SLC28A1: variants seen among roughly 807,000 people sequenced by gnomAD.
SLC28A1 encodes solute carrier family 28 member 1.
SLC28A1 carries 64 observed loss-of-function variants against 74.8 expected under a neutral mutation model. The observed-to-expected ratio is 0.86, with a 90% CI of 0.70 to 1.05. The LOEUF (loss-of-function observed/expected upper bound fraction) is 1.05, where lower values mean the gene tolerates loss of function less well. Among genes scored for constraint, SLC28A1 ranks in the 50% least tolerant of loss-of-function variants. The pLI is 0.00. For synonymous variants in SLC28A1, 359 were observed against 335.0 expected, an observed-to-expected ratio of 1.07 and a Z score of -0.78; for missense variants, 828 against 822.8, an observed-to-expected ratio of 1.01 and a Z score of -0.08.
intron 5 of SLC28A1, among the ~76,000 whole-genome samples, chr15:84,891,106 T>G (rs1032450004): frequency 1.3e-5 from 2 of 152,118 alleles, no homozygotes; most frequent in African/African-American, 4.8e-5. Flanking sequence ...GATTTTACCC[T>G]CAAGGCCAGA....
chr15:84,887,347 C>T, intron 2 of SLC28A1: 1 of 985,318 alleles, frequency 1.0e-6, no homozygotes, highest in South Asian at 4.7e-5. Context: ...CTGTTTCTGC[C>T]TGGAACTCCC....
intron 12 of SLC28A1, among the ~76,000 whole-genome samples, chr15:84,924,946 G>C (rs1047377313): frequency 2.0e-5 from 3 of 149,796 alleles, no homozygotes; most frequent in Admixed American, 1.3e-4. Context: ...CTGTTGCCAG[G>C]CTGGAGTGCA....
chr15:84,924,309 G>A (rs1970223614), intron 12 of SLC28A1, among the ~76,000 whole-genome samples, 199 bp downstream of exon 12: 2 of 152,060 alleles, frequency 1.3e-5, no homozygotes, highest in South Asian at 4.1e-4. Flanking sequence ...CTGGGGCAAA[G>A]CTTCCTGGTG....
chr15:84,893,294 G>A (rs897948504), intron 5 of SLC28A1, among the ~76,000 whole-genome samples: 3 of 152,068 alleles, frequency 2.0e-5, no homozygotes, highest in South Asian at 2.1e-4. Flanking sequence ...ACCTCCTGGC[G>A]ACCACGGAGC....
chr15:84,920,332 A>G (rs1276547355), intron 10 of SLC28A1, among the ~76,000 whole-genome samples: 4 of 152,050 alleles, frequency 2.6e-5, no homozygotes, highest in African/African-American at 9.7e-5. Flanking sequence ...TGTAGTCCCA[A>G]CTACTCAGGA....
intron 7 of SLC28A1, among the ~76,000 whole-genome samples, 194 bp from the exon 8 acceptor site, chr15:84,905,345 A>T (rs188155453): frequency 6.6e-6 from 1 of 152,312 alleles, no homozygotes; most frequent in Admixed American, 6.5e-5. Flanking sequence ...CTCACTGCCC[A>T]GGCCCATTCC....
At chr15:84,956,607 C>A in the SLC28A1 span, among the ~76,000 whole-genome samples, 2 of 151,778 alleles carry the variant, frequency 1.3e-5, no homozygotes, top group East Asian at 3.9e-4. Context: ...ATCCTCCCAC[C>A]TCAGCCTCCT....
At chr15:84,958,357 T>C in the SLC28A1 span, among the ~76,000 whole-genome samples, 1 of 152,218 alleles carries the variant, frequency 6.6e-6, no homozygotes, top group Non-Finnish European at 1.5e-5. Flanking sequence ...ATGTCCTATT[T>C]TTGGAACCCT....
At chr15:84,948,357 C>T (rs1023178630), downstream of SLC28A1, among the ~76,000 whole-genome samples, 3 of 152,104 alleles carry the variant, frequency 2.0e-5, no homozygotes, top group Non-Finnish European at 4.4e-5. Context: ...TCCAGCTTTT[C>T]TGAGAATGTT....
At chr15:84,915,009 C>T (rs1968886829) in intron 9 of SLC28A1, among the ~76,000 whole-genome samples, 1 of 152,160 alleles carries the variant, frequency 6.6e-6, no homozygotes, top group South Asian at 2.1e-4. Context: ...GCCCCGGGCA[C>T]TCTCCTTCCT....
chr15:84,912,844 ACAC>A (rs1567151237), intron 9 of SLC28A1, among the ~76,000 whole-genome samples: 175 of 128,646 alleles, frequency 1.4e-3, no homozygotes, highest in African/African-American at 3.3e-3. Context: ...ACACACACAC[ACAC>A]AGATCAAATA....
chr15:84,904,027 G>C, intron 6 of SLC28A1, 70 bp from the exon 7 acceptor site: 1 of 1,605,746 alleles, frequency 6.2e-7, no homozygotes, highest in Non-Finnish European at 8.5e-7. Context: ...TGGGTCCCCG[G>C]GTGCTATTGT....
the SLC28A1 span, among the ~76,000 whole-genome samples, chr15:84,958,867 A>G: frequency 2.3e-4 from 35 of 152,000 alleles, no homozygotes; most frequent in African/African-American, 8.2e-4. Context: ...TGAGAGGCTA[A>G]GGTGGGTGGA....
In SLC28A1 at chr15:84,944,848, T is replaced by G. The variant is rs200930274; in HGVS notation, c.1855T>G (p.Cys619Gly). 1 of 1,613,196 alleles carries G rather than the reference T, an allele frequency of 6.2e-7. No homozygotes were observed. The highest frequency in any genetic ancestry group is 1.3e-5 in the African/African-American group (1 of 75,040). The change falls in exon 18 of 19, where the codon TGC becomes GGC. Residue 619 changes from cysteine to glycine, a missense_variant. Cys to Gly is a radical substitution (Grantham distance 159). Transcript: ENST00000394573. The stretch of plus-strand genomic sequence containing the variant: ...CAGTAGCTTTGAGATTTACCAGTGC[T>G]GCCGTGAGGCCTTCCAGAGGTGAGG... Reference protein sequence around the residue: ...SSSSFEIYQCCREAFQSVNPE... With the variant: ...SSSSFEIYQCGREAFQSVNPE...
chr15:84,962,360 C>T, the SLC28A1 span, among the ~76,000 whole-genome samples: 1 of 151,984 alleles, frequency 6.6e-6, no homozygotes, highest in East Asian at 1.9e-4. Flanking sequence ...AGGTGTGAGC[C>T]ACTGCACCCA....
At chr15:84,954,146 T>C in the SLC28A1 span, among the ~76,000 whole-genome samples, 1 of 152,198 alleles carries the variant, frequency 6.6e-6, no homozygotes, top group Non-Finnish European at 1.5e-5. Context: ...GTGATTGATC[T>C]GTCAGGGACG....
chr15:84,927,063 C>T (rs1477018406), intron 12 of SLC28A1, among the ~76,000 whole-genome samples: 3 of 152,158 alleles, frequency 2.0e-5, no homozygotes, highest in African/African-American at 7.2e-5. Flanking sequence ...GGCTCAGGGG[C>T]TTTGGTTTCT....
At chr15:84,959,860 T>C in the SLC28A1 span, among the ~76,000 whole-genome samples, 5 of 152,214 alleles carry the variant, frequency 3.3e-5, no homozygotes, top group Admixed American at 6.5e-5. Flanking sequence ...TCTATGGTGA[T>C]CCTTTGTTTT....
rs1450672870 is a variant in SLC28A1, at chr15:84,933,128, C to A, written c.1084-17C>A. On this transcript the variant is annotated splice_polypyrimidine_tract_variant and intron_variant, in intron 12 of 18. Transcript: ENST00000394573. ...CTTCTGACTGTCCACCTAGAACCTG[C>A]ACTCTCACTCTTGCAGATCGATGCC... 3 of 1,612,170 alleles carry A rather than the reference C, an allele frequency of 1.9e-6. No individual in the cohort carries two copies. Among genetic ancestry groups the A allele is most frequent in the Middle Eastern group, 1.6e-4 (1 of 6,072 alleles).
Sources: allele counts gnomAD v4.1 joint callset (sites outside exome capture counted in the v4.1 genomes callset), GRCh38; gene constraint gnomAD v4.1.1; transcripts MANE v1.5; gene names NCBI Gene and HGNC (gene_info 2026-07-23, HGNC 2026-07-21).